The following ASNSD1 variants were observed in gnomAD, a reference collection of about 807,000 sequenced individuals.
ASNSD1 encodes the protein asparagine synthetase domain containing 1, also known as asparagine synthetase domain-containing protein 1.
ASNSD1 carries 36 observed loss-of-function variants against 48.3 expected under a neutral mutation model. That is an observed-to-expected ratio of 0.75 (90% CI 0.57 to 0.99). ASNSD1 has a LOEUF of 0.99. Among genes scored for constraint, ASNSD1 ranks in the 50% least tolerant of loss-of-function variants. The probability of loss-of-function intolerance (pLI) is 0.00; values close to 1 mark genes in which losing one functional copy is unlikely to be tolerated. For missense variants in ASNSD1, 714 were observed against 758.2 expected (o/e 0.94, Z 0.69); for synonymous variants, 257 against 262.1 (o/e 0.98, Z 0.19).
At position 189,665,374 on chromosome 2, in the gene ASNSD1, A is replaced by G; in HGVS notation, c.-168-2A>G. ...GATATTAGCCTAAATTATGTTTTCC[A>G]GAAAGTATATAGGCAACAACAGAAC... On this transcript the variant is annotated splice_acceptor_variant, in intron 2 of 5. Coordinates refer to ENST00000260952, the MANE Select transcript of ASNSD1 (RefSeq NM_019048.4). LOFTEE classifies it low-confidence loss of function (5UTR_SPLICE). 1 of 397,190 alleles carries G rather than the reference A, an allele frequency of 2.5e-6. No individual in the cohort carries two copies. The allele number at this position is 397,190 out of a possible 1,614,324, so 24.6% of individuals were successfully genotyped here. A position where few individuals can be genotyped will look rare whatever the true frequency, so the allele number is the denominator to read the frequency against.
intron 1 of ASNSD1, among the ~76,000 whole-genome samples, chr2:189,662,703 G>T (rs1231677131): frequency 6.6e-6 from 1 of 152,148 alleles, no homozygotes; most frequent in Non-Finnish European, 1.5e-5. Context: ...AGAGGCTCTT[G>T]TGATACTATG....
chr2:189,661,697 G>A (rs2032668518), intron 1 of ASNSD1, 87 bp downstream of exon 1: 1 of 398,884 alleles, frequency 2.5e-6, no homozygotes, highest in Non-Finnish European at 4.4e-6. Context: ...GGCAGCGTGG[G>A]GCCTGCCTGG....
chr2:189,670,320 ATG>A, intron 5 of ASNSD1, 119 bp from the exon 6 acceptor site: 1 of 675,768 alleles, frequency 1.5e-6, no homozygotes, highest in Non-Finnish European at 2.4e-6. Context: ...TTTGTAGTAT[ATG>A]TATTAAAATT....
At chr2:189,663,726 C>T (rs550484778) in intron 1 of ASNSD1, among the ~76,000 whole-genome samples, 175 bp from the exon 2 acceptor site, 1 of 152,152 alleles carries the variant, frequency 6.6e-6, no homozygotes, top group Non-Finnish European at 1.5e-5. Context: ...GAACTGTACC[C>T]CCACACAGAG....
In ASNSD1 at chr2:189,667,562, A is replaced by G. The variant is rs750019752; in HGVS notation, c.1430A>G (p.Gln477Arg). 1.2e-6 allele frequency: 2 copies of G among 1,612,792 alleles called. No homozygotes were observed. Among genetic ancestry groups the G allele is most frequent in the African/African-American group, 1.3e-5 (1 of 74,888 alleles). The change falls in exon 4 of 6, where the codon CAG becomes CGG. Residue 477 changes from glutamine to arginine, a missense_variant. Physicochemically the swap from Gln to Arg is conservative, Grantham distance 43. Transcript: ENST00000260952. The stretch of plus-strand genomic sequence containing the variant: ...AGAGGAATTGGTTGGTTAGTGGCCC[A>G]GGAAGGAGTGAAATCCTATCAGAGC... ...ASRGIGWLVA[Q>R]EGVKSYQSNA...
In ASNSD1 at chr2:189,667,012, G is replaced by T. The variant is rs1314698606; in HGVS notation, c.880G>T (p.Val294Phe). The T allele has an allele frequency of 6.2e-7, 1 of 1,613,994 alleles. No homozygotes were observed. Among genetic ancestry groups the T allele is most frequent in the Non-Finnish European group, 8.5e-7 (1 of 1,180,010 alleles). ...GTTCATTGATGTCCTGAGTGTAGCA[G>T]TCAAGAAACGTGTCTTGTGTTTACC... ...QQFIDVLSVA[V>F]KKRVLCLPRD... The change falls in exon 4 of 6, where the codon GTC becomes TTC. Residue 294 changes from valine to phenylalanine, a missense_variant. By Grantham distance (50) the Val-to-Phe change is conservative (BLOSUM62 -1). Coordinates refer to ENST00000260952, the MANE Select transcript of ASNSD1 (RefSeq NM_019048.4).
At chr2:189,665,567 C>A (rs1349121801) in intron 3 of ASNSD1, 116 bp downstream of exon 3, 18 of 229,426 alleles carry the variant, frequency 7.8e-5, no homozygotes, top group East Asian at 1.4e-4. Flanking sequence ...ATTAGGCTTC[C>A]GAAGATGAGT....
chr2:189,661,476 C>G lies in ASNSD1; in HGVS notation c.-357C>G, dbSNP rs1471344055. The G allele has an allele frequency of 2.5e-6, 1 of 399,190 alleles. No individual in the cohort carries two copies. The highest frequency in any genetic ancestry group is 3.6e-5 in the East Asian group (1 of 28,078). 24.7% of individuals were successfully genotyped at this position (399,190 alleles called of 1,614,324 possible). A position where few individuals can be genotyped will look rare whatever the true frequency, so the allele number is the denominator to read the frequency against. The stretch of plus-strand genomic sequence containing the variant: ...CATGCGCTGTGGCTAATGCCGTAGG[C>G]TCCTTCAGGGCTGAGCCATCCCGCG... On this transcript the variant is annotated 5_prime_UTR_variant, in exon 1 of 6. Coordinates refer to ENST00000260952, the MANE Select transcript of ASNSD1 (RefSeq NM_019048.4).
Position 189,667,368 on chromosome 2 carries a change from A to T in ASNSD1, c.1236A>T (p.Gly412=), listed in dbSNP as rs939801659. The part of the protein sequence containing the change: ...SVPDRITGRA[G]LKELQAVSPS... ...CAGATCGAATCACAGGAAGGGCGGG[A>T]CTAAAGGAACTACAAGCTGTTAGCC... The change falls in exon 4 of 6, where the codon GGA becomes GGT. Residue 412 remains glycine, a synonymous_variant. Transcript: ENST00000260952. 8 of 1,614,106 alleles carry T rather than the reference A, an allele frequency of 5.0e-6. No homozygotes were observed. The African/African-American group carries it at 1.1e-4, about 22-fold the overall frequency.
Position 189,663,340 on chromosome 2 carries a change from G to A in ASNSD1, c.-222-561G>A, listed in dbSNP as rs554861901. Reference sequence around the variant, plus strand: ...GCAATCTTGGCTCACTGCAGCCTCCGCCTCCCGGGTTCAAGCAGTTCTCCT... The same window carrying A: ...GCAATCTTGGCTCACTGCAGCCTCCACCTCCCGGGTTCAAGCAGTTCTCCT... On this transcript the variant is annotated intron_variant, in intron 1 of 5. Transcript: ENST00000260952. 2.6e-3 allele frequency among the ~76,000 whole-genome samples: 399 copies of A among 152,030 alleles called. 4 individuals are homozygous for A. Among genetic ancestry groups the A allele is most frequent in the African/African-American group, 9.1e-3 (379 of 41,470 alleles).
intron 2 of ASNSD1, 72 bp downstream of exon 2, chr2:189,664,026 G>C (rs908990599): frequency 8.2e-6 from 3 of 363,674 alleles, no homozygotes; most frequent in African/African-American, 4.2e-5. Context: ...AAAGTTATAA[G>C]AAGTATATAT....
In ASNSD1 at chr2:189,670,592, C is replaced by T. The variant is rs375163148; in HGVS notation, c.1798C>T (p.Pro600Ser). The stretch of plus-strand genomic sequence containing the variant: ...TGGTCTTACAGCCTCTGCTCTTCTG[C>T]CCAAACGGGCCATGCAGTTTGGATC... ...ELGLTASALL[P>S]KRAMQFGSRI... is the part of the protein sequence containing the mutation. Residue 600 changes from proline to serine, a missense_variant, in exon 6 of 6, where the codon CCC becomes TCC. Physicochemically the swap from Pro to Ser is moderately conservative, Grantham distance 74. Transcript: ENST00000260952. 1 of 1,613,850 alleles carries T rather than the reference C, an allele frequency of 6.2e-7. No homozygotes were observed. Among genetic ancestry groups the T allele is most frequent in the Non-Finnish European group, 8.5e-7 (1 of 1,179,948 alleles).
In ASNSD1 at chr2:189,670,421, A is replaced by T; in HGVS notation, c.1647-20A>T. ...TTGATTTTATTTTTACATAGTGGTT[A>T]TATTATCTGTCTATTTTAGATTTCC... On this transcript the variant is annotated intron_variant, in intron 5 of 5. Coordinates refer to ENST00000260952, the MANE Select transcript of ASNSD1 (RefSeq NM_019048.4). The T allele has an allele frequency of 6.3e-7, 1 of 1,576,614 alleles. No homozygotes were observed. The highest frequency in any genetic ancestry group is 1.1e-5 in the South Asian group (1 of 87,680).
rs147335055 is a variant in ASNSD1, at chr2:189,662,194, G to C, written c.-223+584G>C. On this transcript the variant is annotated intron_variant, in intron 1 of 5. Transcript: ENST00000260952. Reference sequence around the variant, plus strand: ...GCAATGGTCCTAAAACACGCATTGGGTTGTCACTCATACCAAACTGGGGGA... The same window carrying C: ...GCAATGGTCCTAAAACACGCATTGGCTTGTCACTCATACCAAACTGGGGGA... Among the ~76,000 whole-genome samples, 916 of 152,292 alleles carry C rather than the reference G, an allele frequency of 6.0e-3. 18 individuals are homozygous for C. Among genetic ancestry groups the C allele is most frequent in the African/African-American group, 0.02 (850 of 41,548 alleles).
intron 5 of ASNSD1, among the ~76,000 whole-genome samples, chr2:189,669,452 TATAAC>T (rs139468192): frequency 0.015 from 2,277 of 152,332 alleles, 53 homozygotes; most frequent in African/African-American, 0.052. Flanking sequence ...AGAATTGTGA[TATAAC>T]AAATATAGTG....
chr2:189,670,100 G>A (rs2032894989), intron 5 of ASNSD1, among the ~76,000 whole-genome samples: 1 of 151,712 alleles, frequency 6.6e-6, no homozygotes, highest in East Asian at 1.9e-4. Flanking sequence ...CTTGAGTTCA[G>A]GAGTCCGAGA....
chr2:189,663,985 G>A (rs981771493), intron 2 of ASNSD1, 31 bp downstream of exon 2: 3 of 383,632 alleles, frequency 7.8e-6, no homozygotes, highest in Admixed American at 4.5e-5. Flanking sequence ...TGAATAATAT[G>A]TGGGAGGTTT....
Position 189,666,780 on chromosome 2 carries a change from T to C in ASNSD1, c.648T>C (p.Ser216=). ...TTGAAGAAAATGTTAATAGCCTGAG[T>C]CAAATTTCAGCAGACTTACCAGCAT... is the stretch of plus-strand genomic sequence containing the variant. ...NIIEENVNSL[S]QISADLPAFV... The change falls in exon 4 of 6, where the codon AGT becomes AGC. Residue 216 remains serine (S), a synonymous_variant. Coordinates refer to ENST00000260952, the MANE Select transcript of ASNSD1 (RefSeq NM_019048.4). 1 of 1,613,974 alleles carries C rather than the reference T, an allele frequency of 6.2e-7. No individual in the cohort carries two copies. Among genetic ancestry groups the C allele is most frequent in the Non-Finnish European group, 8.5e-7 (1 of 1,179,866 alleles).
chr2:189,668,048 A>G, intron 5 of ASNSD1, 103 bp downstream of exon 5: 1 of 1,110,436 alleles, frequency 9.0e-7, no homozygotes, highest in Non-Finnish European at 1.3e-6. Flanking sequence ...TGTTCACATG[A>G]ATAAGAGCAG....
Sources: gnomAD v4.1 joint callset for allele counts (sites outside exome capture counted in the v4.1 genomes callset) on GRCh38, gnomAD v4.1.1 for gene constraint, MANE v1.5 for transcripts, NCBI Gene and HGNC (gene_info 2026-07-23, HGNC 2026-07-21) for gene names.